Variants in TET1 observed in about 807,000 individuals in gnomAD.
TET1 encodes the protein methylcytosine dioxygenase TET1.
A neutral mutation model predicts 148.7 loss-of-function variants in TET1; 13 were observed. That is an observed-to-expected ratio of 0.09 (90% confidence interval 0.06 to 0.14). TET1 has a LOEUF of 0.14. Among genes scored for constraint, TET1 ranks in the 10% least tolerant of loss-of-function variants. The pLI is 1.00. For missense variants in TET1, 2,182 were observed against 2,553.8 expected (o/e 0.85, Z 3.14); for synonymous variants, 907 against 937.2 (o/e 0.97, Z 0.59).
rs1564975112 is a variant in TET1 at position 68,624,662 on chromosome 10, C to CTTTCTTTCTTTCTTTCTT, written c.1969-20035_1969-20034insTTCTTTCTTTCTTTCTTT. On this transcript the variant is annotated intron_variant, in intron 3 of 11. Transcript: ENST00000373644. Reference sequence around the variant, plus strand: ...TTTCTTTCTTTCTTTCTTTCTTTCTCTCTCTCTCTCTCTCTCTCTCTCTCT... The same window carrying CTTTCTTTCTTTCTTTCTT: ...TTTCTTTCTTTCTTTCTTTCTTTCTCTTTCTTTCTTTCTTTCTTTCTCTCTCTCTCTCTCTCTCTCTCT... 3.6e-4 allele frequency among the ~76,000 whole-genome samples: 29 copies of CTTTCTTTCTTTCTTTCTT among 81,268 alleles called. 1 individual carries two copies. Among genetic ancestry groups the CTTTCTTTCTTTCTTTCTT allele is most frequent in the Middle Eastern group, 6.4e-3 (1 of 156 alleles). The allele number at this position is 81,268 out of a possible 152,430, so 53.3% of individuals were successfully genotyped here.
intron 2 of TET1, among the ~76,000 whole-genome samples, chr10:68,577,299 G>A (rs1295019807): frequency 6.6e-6 from 1 of 151,942 alleles, no homozygotes; most frequent in African/African-American, 2.4e-5. Flanking sequence ...TGCCTGCATT[G>A]GCCTCCCAAA....
intron 6 of TET1, among the ~76,000 whole-genome samples, chr10:68,652,845 AT>A (rs71019047): frequency 0.075 from 7,626 of 101,130 alleles, 814 homozygotes; most frequent in African/African-American, 0.28. Context: ...AACCCGGCTA[AT>A]TTTTTTTTTT....
intron 3 of TET1, among the ~76,000 whole-genome samples, chr10:68,624,641 T>TTTCTTTCC (rs2054434474): frequency 2.1e-5 from 1 of 48,736 alleles, no homozygotes; most frequent in African/African-American, 1.4e-4. Context: ...TCTTTCTTTC[T>TTTCTTTCC]TTCTTTCTTT....
chr10:68,683,991 C>G lies in TET1; in HGVS notation c.5052+1018C>G, dbSNP rs548524534. Among the ~76,000 whole-genome samples the G allele has an allele frequency of 2.8e-3, 431 of 152,248 alleles. 1 individual carries two copies. The highest frequency in any genetic ancestry group is 9.9e-3 in the African/African-American group (411 of 41,568). On this transcript the variant is annotated intron_variant, in intron 10 of 11. Coordinates refer to ENST00000373644, the MANE Select transcript of TET1 (RefSeq NM_030625.3). ...TTGTCTGTTTGCTTCACCTGTTTGTCTTCCTGTCATCTAGTAAAGCAAGAT... is the reference window on the plus strand; with the variant it reads ...TTGTCTGTTTGCTTCACCTGTTTGTGTTCCTGTCATCTAGTAAAGCAAGAT...
In TET1 at chr10:68,646,438, C is replaced by A. The variant is rs2054849165; in HGVS notation, c.3709C>A (p.Pro1237Thr). 2 of 1,614,164 alleles carry A rather than the reference C, an allele frequency of 1.2e-6. No homozygotes were observed. Among genetic ancestry groups the A allele is most frequent in the East Asian group, 4.5e-5 (2 of 44,894 alleles). Residue 1237 changes from proline (P) to threonine (T), a missense_variant, in exon 4 of 12, where the codon CCA becomes ACA. Coordinates refer to ENST00000373644, the MANE Select transcript of TET1 (RefSeq NM_030625.3). The part of the protein sequence containing the change: ...RSIMQPKTVF[P>T]PLTQIKLQRY... The stretch of plus-strand genomic sequence containing the variant: ...CATTATGCAACCCAAAACAGTATTT[C>A]CACCACTCACTCAGATAAAATTACA...
chr10:68,690,864 A>G lies in TET1; in HGVS notation c.5461A>G (p.Ile1821Val). The G allele has an allele frequency of 6.2e-7, 1 of 1,614,032 alleles. No homozygotes were observed. Among genetic ancestry groups the G allele is most frequent in the East Asian group, 2.2e-5 (1 of 44,886 alleles). The change falls in exon 12 of 12, where the codon ATC becomes GTC. Residue 1821 changes from isoleucine to valine, a missense_variant. This residue lies in a region of TET1 where 380 missense variants were observed against 387.9 expected (regional missense o/e 0.98). Transcript: ENST00000373644. ...AAAAAGTGAAACCGAACCCCATTTT[A>G]TCTTAAAAAGTTCAGACAACACTAA... ...EVKSETEPHF[I>V]LKSSDNTKTY...
intron 1 of TET1, among the ~76,000 whole-genome samples, chr10:68,567,658 T>A (rs1280467125): frequency 2.0e-5 from 3 of 151,302 alleles, no homozygotes; most frequent in Admixed American, 2.0e-4. Context: ...GGCGGGTAGA[T>A]CACCTGAGGT....
chr10:68,652,819 T>A (rs895466620), intron 6 of TET1, among the ~76,000 whole-genome samples: 3 of 150,900 alleles, frequency 2.0e-5, no homozygotes, highest in African/African-American at 4.9e-5. Flanking sequence ...CTCCAAGTAC[T>A]TAAGACTTGC....
chr10:68,598,199 A>G (rs2054009352), intron 2 of TET1, among the ~76,000 whole-genome samples: 4 of 152,114 alleles, frequency 2.6e-5, no homozygotes, highest in Admixed American at 2.6e-4. Context: ...GACCAGCCTG[A>G]CCAACATGGT....
At chr10:68,581,649 C>T (rs1032548618) in intron 2 of TET1, among the ~76,000 whole-genome samples, 3 of 152,102 alleles carry the variant, frequency 2.0e-5, no homozygotes, top group African/African-American at 7.2e-5. Context: ...GGAGACCAGC[C>T]CAGGCAACAT....
At chr10:68,626,110 G>GA (rs11374052) in intron 3 of TET1, among the ~76,000 whole-genome samples, 68,067 of 100,706 alleles carry the variant, frequency 0.68, 20,296 homozygotes, top group African/African-American at 0.74. Context: ...AAAAAAAAAA[G>GA]AAAAGAAAAA....
At chr10:68,626,089 C>CAAA (rs768111191) in intron 3 of TET1, among the ~76,000 whole-genome samples, 5 of 34,534 alleles carry the variant, frequency 1.4e-4, no homozygotes, top group African/African-American at 3.7e-4. Flanking sequence ...GACCCTATCT[C>CAAA]AAAAAAAAGA....
chr10:68,624,663 TCTCTCTCTCTCTCTCTC>T (rs2054442182), intron 3 of TET1, among the ~76,000 whole-genome samples: 7 of 95,548 alleles, frequency 7.3e-5, no homozygotes, highest in African/African-American at 2.7e-4. Flanking sequence ...TTTCTTTCTC[TCTCTCTCTCTCTCTCTC>T]TCTCTCTCTC....
At chr10:68,668,818 A>G (rs76838542) in intron 7 of TET1, among the ~76,000 whole-genome samples, 1,948 of 152,298 alleles carry the variant, frequency 0.013, 39 homozygotes, top group African/African-American at 0.045. Context: ...CTCTACAAAA[A>G]TATTTTTTTA....
intron 2 of TET1, among the ~76,000 whole-genome samples, chr10:68,591,832 G>T (rs1467180339): frequency 1.3e-5 from 2 of 152,010 alleles, no homozygotes; most frequent in African/African-American, 4.8e-5. Context: ...GTGAACCCAA[G>T]AGGCAGAGCT....
rs2053694332 is a variant in TET1, at chr10:68,573,523, A to G, written c.1185A>G (p.Leu395=). Residue 395 remains leucine, a synonymous_variant, in exon 2 of 12, where the codon CTA becomes CTG. Coordinates refer to ENST00000373644, the MANE Select transcript of TET1 (RefSeq NM_030625.3). The part of the protein sequence containing the change: ...HGEALGETPD[L]PEIPGAIPVQ... ...AGGCCCTGGGTGAGACCCCAGATCT[A>G]CCAGAGATTCCTGGTGCTATTCCAG... 6.2e-7 allele frequency: 1 copy of G among 1,614,062 alleles called. No individual in the cohort carries two copies. Among genetic ancestry groups the G allele is most frequent in the Non-Finnish European group, 8.5e-7 (1 of 1,180,042 alleles).
At chr10:68,568,279 A>C (rs2053629468) in intron 1 of TET1, among the ~76,000 whole-genome samples, 1 of 138,806 alleles carries the variant, frequency 7.2e-6, no homozygotes, top group Non-Finnish European at 1.5e-5. Flanking sequence ...CTGGAGTGCA[A>C]TGGTGCGATC....
At chr10:68,689,882 G>A (rs1203840375) in intron 11 of TET1, among the ~76,000 whole-genome samples, 1 of 152,092 alleles carries the variant, frequency 6.6e-6, no homozygotes, top group African/African-American at 2.4e-5. Flanking sequence ...ACCCACAGTT[G>A]ACATCTTGAG....
intron 1 of TET1, among the ~76,000 whole-genome samples, chr10:68,571,429 G>A (rs1319226406): frequency 6.6e-6 from 1 of 151,464 alleles, no homozygotes; most frequent in South Asian, 2.1e-4. Flanking sequence ...TCAGCCTCCT[G>A]AGTAGTTGAG....
Sources: allele counts gnomAD v4.1 joint callset (sites outside exome capture counted in the v4.1 genomes callset), GRCh38; gene constraint gnomAD v4.1.1; regional missense constraint gnomAD v4.1.1; transcripts MANE v1.5; gene names NCBI Gene and HGNC (gene_info 2026-07-23, HGNC 2026-07-21).